ARMH3: variants seen among roughly 807,000 people sequenced by gnomAD.
The protein encoded by ARMH3 is armadillo-like helical domain-containing protein 3.
Under a neutral mutation model 99.1 loss-of-function variants are expected in ARMH3, and 60 were observed. The observed-to-expected ratio is 0.61, with a 90% confidence interval of 0.49 to 0.75. The LOEUF (loss-of-function observed/expected upper bound fraction) is 0.75. ARMH3 is among the 30% of genes least tolerant of loss of function. The pLI is 0.00. For missense variants in ARMH3, 679 were observed against 843.1 expected (o/e 0.81, Z 2.41); for synonymous variants, 285 against 292.8 (o/e 0.97, Z 0.27).
chr10:101,970,722 G>A (rs139294181), intron 20 of ARMH3, among the ~76,000 whole-genome samples: 3 of 150,894 alleles, frequency 2.0e-5, no homozygotes, highest in East Asian at 3.9e-4. Context: ...CTACTTGGGC[G>A]GCTGAGGTGG....
chr10:101,963,374 G>A (rs1590093923), intron 20 of ARMH3, among the ~76,000 whole-genome samples: 2 of 151,790 alleles, frequency 1.3e-5, no homozygotes, highest in African/African-American at 2.4e-5. Flanking sequence ...CTCGTGATCC[G>A]GTCGCCTTGG....
intron 23 of ARMH3, among the ~76,000 whole-genome samples, chr10:101,895,337 TG>T (rs2135470810): frequency 6.6e-6 from 1 of 151,186 alleles, no homozygotes; most frequent in Non-Finnish European, 1.5e-5. Context: ...TGCAGTGCAG[TG>T]GTGCAATCTT....
intron 24 of ARMH3, 25 bp from the exon 25 acceptor site, chr10:101,849,917 G>A: frequency 6.2e-7 from 1 of 1,602,992 alleles, no homozygotes; most frequent in East Asian, 2.2e-5. Context: ...GGGCCAGGCA[G>A]GGCTTAGGCC....
intron 23 of ARMH3, among the ~76,000 whole-genome samples, chr10:101,905,333 G>C (rs2068077549): frequency 4.6e-5 from 7 of 152,184 alleles, no homozygotes; most frequent in Admixed American, 4.6e-4. Flanking sequence ...TTGTGCTGGG[G>C]CAGGAATTAC....
intron 1 of ARMH3, among the ~76,000 whole-genome samples, chr10:102,044,297 G>A (rs985321709): frequency 1.3e-5 from 2 of 151,334 alleles, no homozygotes; most frequent in East Asian, 1.9e-4. Flanking sequence ...GGATGGTCTC[G>A]ATCTCCTGAC....
intron 1 of ARMH3, among the ~76,000 whole-genome samples, chr10:102,049,593 T>G (rs541426760): frequency 6.6e-6 from 1 of 151,568 alleles, no homozygotes; most frequent in African/African-American, 2.4e-5. Context: ...TTTTTTTTTT[T>G]TTTTTTGAGA....
chr10:102,020,268 C>G (rs953616013), intron 8 of ARMH3, among the ~76,000 whole-genome samples: 15 of 151,454 alleles, frequency 9.9e-5, no homozygotes, highest in African/African-American at 3.4e-4. Flanking sequence ...GGCACGGTAG[C>G]TCACACCTGT....
chr10:102,004,154 A>G (rs906087036), intron 14 of ARMH3, among the ~76,000 whole-genome samples: 5 of 152,258 alleles, frequency 3.3e-5, no homozygotes, highest in African/African-American at 9.6e-5. Context: ...GTCAAGTCTG[A>G]GCTGAGAACA....
At chr10:101,990,796 C>A (rs1367021768) in intron 18 of ARMH3, among the ~76,000 whole-genome samples, 185 bp from the exon 19 acceptor site, 2 of 152,186 alleles carry the variant, frequency 1.3e-5, no homozygotes, top group African/African-American at 4.8e-5. Flanking sequence ...CCACCTGCCA[C>A]TTGTAAAGTA....
chr10:101,882,808 T>G (rs965386553), intron 24 of ARMH3, among the ~76,000 whole-genome samples: 3 of 152,192 alleles, frequency 2.0e-5, no homozygotes, highest in Admixed American at 2.0e-4. Context: ...AAGTATGAGG[T>G]ACTTTTCAAA....
rs756246981 is a variant in ARMH3, at chr10:102,014,062, C to T, written c.670-38G>A. Reference sequence around the variant, plus strand: ...AGAAGAGACTCCAGGTAAGTCTGACCTAGTTAAGAAAGCCCGTTAGCTATC... The same window carrying T: ...AGAAGAGACTCCAGGTAAGTCTGACTTAGTTAAGAAAGCCCGTTAGCTATC... On this transcript the variant is annotated intron_variant, in intron 8 of 25. Coordinates refer to ENST00000370033, the MANE Select transcript of ARMH3 (RefSeq NM_024541.3). 2.6e-6 allele frequency: 4 copies of T among 1,534,042 alleles called. No individual in the cohort carries two copies. In the South Asian group the frequency reaches 3.5e-5, roughly 14 times the overall value.
intron 2 of ARMH3, among the ~76,000 whole-genome samples, chr10:102,035,258 A>C (rs915297282): frequency 6.6e-6 from 1 of 151,476 alleles, no homozygotes; most frequent in Non-Finnish European, 1.5e-5. Flanking sequence ...CCAGCTACTC[A>C]GGAGGCTGAG....
chr10:101,909,699 A>C (rs1042579678), intron 23 of ARMH3, among the ~76,000 whole-genome samples: 12 of 151,832 alleles, frequency 7.9e-5, no homozygotes, highest in African/African-American at 2.4e-4. Flanking sequence ...GGCTCAAGTG[A>C]TCCTCCTGCC....
At chr10:101,969,696 T>C (rs1845686864) in intron 20 of ARMH3, among the ~76,000 whole-genome samples, 1 of 152,228 alleles carries the variant, frequency 6.6e-6, no homozygotes, top group South Asian at 2.1e-4. Context: ...TGGATGTTAC[T>C]TAGCACAGTG....
chr10:102,043,117 C>T (rs1297757157), intron 1 of ARMH3, among the ~76,000 whole-genome samples: 3 of 152,154 alleles, frequency 2.0e-5, no homozygotes, highest in Non-Finnish European at 1.5e-5. Flanking sequence ...AAAGTTGCAG[C>T]AGATCAGTAA....
At chr10:101,998,304 T>C (rs1020289559) in intron 15 of ARMH3, among the ~76,000 whole-genome samples, 1 of 152,196 alleles carries the variant, frequency 6.6e-6, no homozygotes, top group African/African-American at 2.4e-5. Flanking sequence ...AAAGAAGCAA[T>C]GGCTTCAAGA....
chr10:101,853,084 T>A (rs1366834674), intron 24 of ARMH3, among the ~76,000 whole-genome samples: 1 of 145,706 alleles, frequency 6.9e-6, no homozygotes, highest in East Asian at 2.0e-4. Flanking sequence ...AGAGACGGGG[T>A]TTCATGATAT....
intron 18 of ARMH3, among the ~76,000 whole-genome samples, chr10:101,991,126 C>T (rs1351985311): frequency 6.6e-6 from 1 of 152,234 alleles, no homozygotes; most frequent in Non-Finnish European, 1.5e-5. Flanking sequence ...GCCTTAATTA[C>T]TGTTTCTAAA....
chr10:101,869,866 C>T (rs1329015723), intron 24 of ARMH3, among the ~76,000 whole-genome samples: 2 of 152,046 alleles, frequency 1.3e-5, no homozygotes, highest in Non-Finnish European at 2.9e-5. Flanking sequence ...AACTCCATCT[C>T]TACAAAAAAT....
Sources: allele counts gnomAD v4.1 joint callset (sites outside exome capture counted in the v4.1 genomes callset), GRCh38; gene constraint gnomAD v4.1.1; transcripts MANE v1.5; gene names NCBI Gene and HGNC (gene_info 2026-07-23, HGNC 2026-07-21).